DACH2: variants seen among roughly 807,000 people sequenced by gnomAD.
DACH2 encodes the protein dachshund homolog 2.
A neutral mutation model predicts 35.8 loss-of-function variants in DACH2; 17 were observed. The observed-to-expected ratio is 0.48, with a 90% CI of 0.33 to 0.71. The LOEUF (loss-of-function observed/expected upper bound fraction) is 0.71, where lower values mean the gene tolerates loss of function less well. Among genes scored for constraint, DACH2 ranks in the 30% least tolerant of loss-of-function variants. The probability of loss-of-function intolerance (pLI) is 0.02; values close to 1 mark genes in which losing one functional copy is unlikely to be tolerated. For synonymous variants in DACH2, 195 were observed against 177.3 expected (o/e 1.10, Z -0.79); for missense variants, 469 against 472.7 (o/e 0.99, Z 0.07).
intron 3 of DACH2, among the ~76,000 whole-genome samples, chrX:86,531,842 C>T (rs766403187): frequency 5.3e-5 from 6 of 112,604 alleles, no homozygotes; most frequent in African/African-American, 1.3e-4. Flanking sequence ...CTGGAAAAGC[C>T]GCAGGCACTC....
chrX:86,619,268 T>G (rs1357080517), intron 3 of DACH2, among the ~76,000 whole-genome samples: 1 of 111,787 alleles, frequency 8.9e-6, no homozygotes, highest in East Asian at 2.8e-4. Flanking sequence ...AAGCCATGTC[T>G]ACTGTAGTTG....
chrX:86,293,421 A>T (rs2034357826), intron 1 of DACH2, among the ~76,000 whole-genome samples: 1 of 108,097 alleles, frequency 9.3e-6, no homozygotes, highest in South Asian at 4.3e-4. Flanking sequence ...TAGTCCATTT[A>T]CATTTAAAGT....
intron 1 of DACH2, among the ~76,000 whole-genome samples, chrX:86,175,150 T>C (rs2031259058): frequency 9.0e-6 from 1 of 110,997 alleles, no homozygotes; most frequent in African/African-American, 3.3e-5. Flanking sequence ...CCTAAAGAGA[T>C]CAGAGAGAAG....
intron 3 of DACH2, among the ~76,000 whole-genome samples, chrX:86,631,942 A>T (rs2040205852): frequency 9.0e-6 from 1 of 111,315 alleles, no homozygotes; most frequent in African/African-American, 3.3e-5. Context: ...GTTTTAGAGC[A>T]TGCATGAATG....
At chrX:86,233,282 C>T (rs182145477) in intron 1 of DACH2, among the ~76,000 whole-genome samples, 36 of 111,403 alleles carry the variant, frequency 3.2e-4, no homozygotes. Flanking sequence ...GTACAACAAA[C>T]CCCATGACAC....
intron 2 of DACH2, among the ~76,000 whole-genome samples, chrX:86,407,249 C>A (rs1404007469): frequency 1.8e-5 from 2 of 111,914 alleles, no homozygotes; most frequent in Non-Finnish European, 3.8e-5. Context: ...CTGCCAGTTT[C>A]TCTGTGACCT....
intron 3 of DACH2, among the ~76,000 whole-genome samples, chrX:86,603,706 T>C (rs888548093): frequency 3.6e-5 from 4 of 111,678 alleles, no homozygotes; most frequent in African/African-American, 1.3e-4. Flanking sequence ...TCTCTGTAGC[T>C]TCCACTCTTG....
chrX:86,673,042 A>G (rs2040783957), intron 4 of DACH2, among the ~76,000 whole-genome samples: 1 of 111,825 alleles, frequency 8.9e-6, no homozygotes, highest in African/African-American at 3.3e-5. Context: ...GGAGTCAAAG[A>G]AGAATATTTT....
intron 3 of DACH2, among the ~76,000 whole-genome samples, chrX:86,542,670 G>T (rs775713015): frequency 9.0e-6 from 1 of 111,618 alleles, no homozygotes; most frequent in East Asian, 2.8e-4. Flanking sequence ...TAAGACACAA[G>T]GTATCAGATT....
At chrX:86,393,985 TC>T (rs1468801454) in intron 2 of DACH2, among the ~76,000 whole-genome samples, 1 of 108,712 alleles carries the variant, frequency 9.2e-6, no homozygotes, top group Non-Finnish European at 1.9e-5. Context: ...ATTATAAATG[TC>T]TTTTTTTTCC....
chrX:86,545,195 A>C (rs1163569363), intron 3 of DACH2, among the ~76,000 whole-genome samples: 1 of 112,288 alleles, frequency 8.9e-6, no homozygotes, highest in African/African-American at 3.2e-5. Flanking sequence ...AATGTAGTAC[A>C]TATACATCAT....
intron 1 of DACH2, among the ~76,000 whole-genome samples, chrX:86,346,378 A>G (rs1270332852): frequency 9.1e-6 from 1 of 109,369 alleles, no homozygotes; most frequent in Admixed American, 9.9e-5. Flanking sequence ...GCATCTCAGG[A>G]CAAACTTAGA....
At chrX:86,816,284 A>G (rs1247999585) in intron 11 of DACH2, among the ~76,000 whole-genome samples, 185 bp downstream of exon 11, 1 of 111,645 alleles carries the variant, frequency 9.0e-6, no homozygotes, top group Non-Finnish European at 1.9e-5. Flanking sequence ...AAAAATACTT[A>G]ACATGGCTTT....
intron 4 of DACH2, among the ~76,000 whole-genome samples, chrX:86,689,435 T>C (rs1427981575): frequency 1.6e-5 from 1 of 62,066 alleles, no homozygotes; most frequent in Non-Finnish European, 2.9e-5. Context: ...ACACTTATAC[T>C]ATATTATTAT....
intron 1 of DACH2, among the ~76,000 whole-genome samples, chrX:86,367,249 C>T (rs189376572): frequency 4.8e-4 from 53 of 111,471 alleles, no homozygotes; most frequent in Middle Eastern, 9.1e-3. Flanking sequence ...AAACAAACAT[C>T]GGAGCTTCTC....
chrX:86,379,769 T>C (rs2036019866), intron 2 of DACH2, among the ~76,000 whole-genome samples: 1 of 110,850 alleles, frequency 9.0e-6, no homozygotes, highest in South Asian at 3.7e-4. Context: ...ACGTGAAAGA[T>C]GAGAAATTAT....
intron 5 of DACH2, among the ~76,000 whole-genome samples, chrX:86,705,836 C>T (rs1179828150): frequency 9.0e-6 from 1 of 111,540 alleles, no homozygotes; most frequent in Non-Finnish European, 1.9e-5. Context: ...CATATGGAAT[C>T]GACCTAAGTG....
intron 2 of DACH2, among the ~76,000 whole-genome samples, chrX:86,438,527 G>A (rs769973881): frequency 1.8e-5 from 2 of 111,441 alleles, no homozygotes; most frequent in Admixed American, 9.5e-5. Context: ...CACTTGGCCC[G>A]AACTCATTCT....
intron 4 of DACH2, among the ~76,000 whole-genome samples, chrX:86,667,443 AAGAAAG>A (rs1433653869): frequency 3.0e-4 from 23 of 77,352 alleles, no homozygotes; most frequent in African/African-American, 6.1e-4. Flanking sequence ...AGAAAGAAAG[AAGAAAG>A]AGAAAGAAAG....
Sources: gnomAD v4.1 joint callset for allele counts (sites outside exome capture counted in the v4.1 genomes callset) on GRCh38, gnomAD v4.1.1 for gene constraint, MANE v1.5 for transcripts, NCBI Gene and HGNC (gene_info 2026-07-23, HGNC 2026-07-21) for gene names.